The following SETD3 variants were observed in gnomAD, a reference collection of about 807,000 sequenced individuals.
SETD3 encodes actin-histidine N-methyltransferase.
Under a neutral mutation model 63.0 loss-of-function variants are expected in SETD3, and 19 were observed. The observed-to-expected ratio is 0.30, with a 90% CI of 0.21 to 0.44. The LOEUF is 0.44. SETD3 is among the 20% of genes least tolerant of loss of function. The pLI is 1.00. For missense variants in SETD3, 587 were observed against 728.5 expected, an observed-to-expected ratio of 0.81 and a Z score of 2.24; for synonymous variants, 286 against 264.1, an observed-to-expected ratio of 1.08 and a Z score of -0.80.
chr14:99,407,483 T>C (rs941528660), intron 8 of SETD3, among the ~76,000 whole-genome samples: 2 of 152,204 alleles, frequency 1.3e-5, no homozygotes, highest in African/African-American at 4.8e-5. Flanking sequence ...AGTCTCAAAA[T>C]CCAATACTGT....
chr14:99,481,797 C>T (rs1896334478), upstream of SETD3, among the ~76,000 whole-genome samples: 1 of 152,206 alleles, frequency 6.6e-6, no homozygotes, highest in Non-Finnish European at 1.5e-5. Context: ...CGGTGTTAAC[C>T]GCGCACAGTC....
At chr14:99,411,737 C>T (rs2139638679) in intron 8 of SETD3, 1 of 151,958 alleles carries the variant, frequency 6.6e-6, no homozygotes, top group Non-Finnish European at 1.5e-5. Context: ...AAAAACAAAA[C>T]AAAAAATGTA....
intron 6 of SETD3, among the ~76,000 whole-genome samples, chr14:99,427,093 G>A (rs1205113132): frequency 1.3e-5 from 2 of 152,226 alleles, no homozygotes; most frequent in Admixed American, 6.5e-5. Context: ...TTCCTATGAC[G>A]AGGCTGCTAA....
At chr14:99,439,964 A>T (rs1263719293) in intron 6 of SETD3, among the ~76,000 whole-genome samples, 1 of 144,514 alleles carries the variant, frequency 6.9e-6, no homozygotes, top group East Asian at 2.0e-4. Flanking sequence ...ATCTTTCTGT[A>T]TTTTTTTTTT....
chr14:99,434,288 C>G (rs1424338617), intron 6 of SETD3, among the ~76,000 whole-genome samples: 3 of 152,088 alleles, frequency 2.0e-5, no homozygotes, highest in Non-Finnish European at 4.4e-5. Flanking sequence ...GCCAAAGAAG[C>G]CAGAGACCAA....
At chr14:99,428,975 T>C (rs1185421910) in intron 6 of SETD3, among the ~76,000 whole-genome samples, 2 of 152,130 alleles carry the variant, frequency 1.3e-5, no homozygotes, top group East Asian at 3.9e-4. Flanking sequence ...AGATAATAAA[T>C]GTGTGTTTTA....
chr14:99,454,404 G>A (rs1252519871), intron 6 of SETD3, among the ~76,000 whole-genome samples: 2 of 152,134 alleles, frequency 1.3e-5, no homozygotes, highest in Admixed American at 6.5e-5. Context: ...CTTTGAGCTT[G>A]TGACGAGTCA....
At chr14:99,476,168 GATTA>G (rs1238292962) in intron 1 of SETD3, among the ~76,000 whole-genome samples, 9 of 152,192 alleles carry the variant, frequency 5.9e-5, no homozygotes, top group African/African-American at 1.9e-4. Context: ...TACGGAGACT[GATTA>G]ATTTATGCAA....
At chr14:99,468,317 A>G (rs1033489750) in intron 1 of SETD3, among the ~76,000 whole-genome samples, 3 of 152,084 alleles carry the variant, frequency 2.0e-5, no homozygotes, top group African/African-American at 7.2e-5. Flanking sequence ...CCTCATGGTT[A>G]GACCCTAACA....
intron 1 of SETD3, among the ~76,000 whole-genome samples, chr14:99,470,250 C>A (rs140252637): frequency 6.6e-6 from 1 of 152,354 alleles, no homozygotes; most frequent in Non-Finnish European, 1.5e-5. Context: ...ACTCTAGACT[C>A]TTCCATGCAA....
In SETD3 at chr14:99,452,029, C is replaced by T. The variant is rs143750149; in HGVS notation, c.675+6250G>A. ...TTACAATGTAAAAACTGGAAGGACT[C>T]CTCAAAACTCGTAAAGCCCAAGCCC... On this transcript the variant is annotated intron_variant, in intron 6 of 12. Coordinates refer to ENST00000331768, the MANE Select transcript of SETD3 (RefSeq NM_032233.3). Among the ~76,000 whole-genome samples the T allele has an allele frequency of 7.0e-3, 1,071 of 152,266 alleles. 12 individuals are homozygous for T. The highest frequency in any genetic ancestry group is 0.025 in the African/African-American group (1,021 of 41,544).
chr14:99,409,009 C>T (rs1286013033), intron 8 of SETD3, among the ~76,000 whole-genome samples: 2 of 152,208 alleles, frequency 1.3e-5, no homozygotes, highest in Non-Finnish European at 2.9e-5. Flanking sequence ...GCCCAGAAAT[C>T]TGCAGACGCT....
intron 6 of SETD3, among the ~76,000 whole-genome samples, chr14:99,416,025 T>G (rs1892273275): frequency 6.6e-6 from 1 of 152,184 alleles, no homozygotes; most frequent in South Asian, 2.1e-4. Flanking sequence ...AAGATTTGGT[T>G]TCTAAAAAGA....
At chr14:99,401,521 T>C (rs1360394006) in intron 11 of SETD3, among the ~76,000 whole-genome samples, 2 of 152,204 alleles carry the variant, frequency 1.3e-5, no homozygotes, top group Non-Finnish European at 2.9e-5. Context: ...GCAATTGTCT[T>C]GACATGACAA....
At chr14:99,439,679 T>A (rs951129710) in intron 6 of SETD3, among the ~76,000 whole-genome samples, 140 of 147,754 alleles carry the variant, frequency 9.5e-4, no homozygotes, top group Non-Finnish European at 1.4e-3. Context: ...AATACATATT[T>A]ATATATTTAT....
rs1391433142 is a variant in SETD3, at chr14:99,467,660, TC to T, written c.-8-1848del. ...TGTCAGCAATGGCTTAGCTGGCCTC[TC>T]CCTTCAGCCTTGCCTGAAAGACCTT... is the stretch of plus-strand genomic sequence containing the variant. On this transcript the variant is annotated intron_variant, in intron 1 of 12. Transcript: ENST00000331768. 4.1e-4 allele frequency among the ~76,000 whole-genome samples: 63 copies of T among 152,202 alleles called. 1 individual carries two copies. Among genetic ancestry groups the T allele is most frequent in the Non-Finnish European group, 7.8e-4 (53 of 68,034 alleles).
In SETD3 at chr14:99,445,742, AAAAACAT is replaced by A. The variant is rs1284762433; in HGVS notation, c.675+12530_675+12536del. On this transcript the variant is annotated intron_variant, in intron 6 of 12. Coordinates refer to ENST00000331768, the MANE Select transcript of SETD3 (RefSeq NM_032233.3). ...AAGGATACTTATTCAGGGTCACCTCAAAAACATTAACAGGTTCCCTCTTCTATCATAC... is the reference window on the plus strand; with the variant it reads ...AAGGATACTTATTCAGGGTCACCTCATAACAGGTTCCCTCTTCTATCATAC... Among the ~76,000 whole-genome samples, 5 of 152,344 alleles carry A rather than the reference AAAAACAT, an allele frequency of 3.3e-5. No homozygotes were observed. In the South Asian group the frequency reaches 1.0e-3, roughly 32 times the overall value.
chr14:99,481,535 C>A, upstream of SETD3: 1 of 398,558 alleles, frequency 2.5e-6, no homozygotes, highest in South Asian at 1.3e-4. Context: ...ATCTGGAGGT[C>A]GGAGTAGGTT....
At chr14:99,472,271 C>T (rs373040839) in intron 1 of SETD3, among the ~76,000 whole-genome samples, 41 of 152,290 alleles carry the variant, frequency 2.7e-4, no homozygotes, top group African/African-American at 9.4e-4. Context: ...AAGTACAATT[C>T]AAGAAGGATG....
Sources: allele counts gnomAD v4.1 joint callset (sites outside exome capture counted in the v4.1 genomes callset), GRCh38; gene constraint gnomAD v4.1.1; transcripts MANE v1.5; gene names NCBI Gene and HGNC (gene_info 2026-07-23, HGNC 2026-07-21).